Variants in MGMT observed in about 807,000 individuals in gnomAD.
MGMT encodes the protein methylated-DNA--protein-cysteine methyltransferase.
A neutral mutation model predicts 15.9 loss-of-function variants in MGMT; 14 were observed. That is an observed-to-expected ratio of 0.88 (90% CI 0.58 to 1.37). The LOEUF is 1.37. MGMT is among the 40% of genes most tolerant of loss of function. The pLI is 0.00. For synonymous variants in MGMT, 130 were observed against 118.2 expected (o/e 1.10, Z -0.65); for missense variants, 282 against 268.1 (o/e 1.05, Z -0.36).
rs370037150 is a variant in MGMT, at chr10:129,565,683, A to G, written c.125+29306A>G. Among the ~76,000 whole-genome samples, 282 of 152,248 alleles carry G rather than the reference A, an allele frequency of 1.9e-3. 1 individual carries two copies. The highest frequency in any genetic ancestry group is 6.4e-3 in the African/African-American group (266 of 41,550). On this transcript the variant is annotated intron_variant, in intron 2 of 4. Coordinates refer to ENST00000651593, the MANE Select transcript of MGMT (RefSeq NM_002412.5). ...ATTGGAACTCTGACTTGATCAGCCC[A>G]TGTTCTTCTGCCATAGCCACAGGAG... is the stretch of plus-strand genomic sequence containing the variant.
At chr10:129,490,939 T>C (rs942252835) in intron 1 of MGMT, among the ~76,000 whole-genome samples, 2 of 152,252 alleles carry the variant, frequency 1.3e-5, no homozygotes, top group African/African-American at 4.8e-5. Context: ...ACTTCCTGAA[T>C]AGTAAAATAC....
At chr10:129,737,673 A>C (rs1427703632) in intron 3 of MGMT, among the ~76,000 whole-genome samples, 1 of 151,962 alleles carries the variant, frequency 6.6e-6, no homozygotes, top group East Asian at 1.9e-4. Flanking sequence ...TTTTTTCCCC[A>C]TCTTTGTGGT....
intron 3 of MGMT, among the ~76,000 whole-genome samples, chr10:129,714,959 A>G (rs1848276886): frequency 6.6e-6 from 1 of 152,066 alleles, no homozygotes; most frequent in African/African-American, 2.4e-5. Context: ...GTTAGGTGAG[A>G]GTTTTATCCT....
chr10:129,514,396 C>T (rs1432425690), intron 1 of MGMT, among the ~76,000 whole-genome samples: 1 of 152,080 alleles, frequency 6.6e-6, no homozygotes, highest in East Asian at 1.9e-4. Flanking sequence ...AACATAGATT[C>T]CATGTATAAA....
At chr10:129,468,352 A>C (rs1276954161) in intron 1 of MGMT, among the ~76,000 whole-genome samples, 3 of 152,138 alleles carry the variant, frequency 2.0e-5, no homozygotes, top group Admixed American at 6.5e-5. Flanking sequence ...AGCCTGGCTG[A>C]TTGTTAATAT....
intron 2 of MGMT, among the ~76,000 whole-genome samples, chr10:129,597,513 G>A (rs1846765168): frequency 6.6e-6 from 1 of 152,138 alleles, no homozygotes; most frequent in Non-Finnish European, 1.5e-5. Flanking sequence ...TCATTACCAT[G>A]TTTAGGAAAT....
chr10:129,635,254 C>A (rs758323991), intron 2 of MGMT, among the ~76,000 whole-genome samples: 7 of 152,166 alleles, frequency 4.6e-5, no homozygotes, highest in Non-Finnish European at 8.8e-5. Flanking sequence ...GTGAGGGTGA[C>A]CTGTTGCAGA....
rs1484653356 is a variant in MGMT, at chr10:129,707,881, T to C, written c.126-14T>C. 3 of 1,610,326 alleles carry C rather than the reference T, an allele frequency of 1.9e-6. No individual in the cohort carries two copies. The highest frequency in any genetic ancestry group is 2.5e-6 in the Non-Finnish European group (3 of 1,179,960). ...GCCCAGAGGTTTACTAAGCCCCTGT[T>C]CTCACTTTTGCAGTGCCGTGGAGGT... On this transcript the variant is annotated splice_polypyrimidine_tract_variant and intron_variant, in intron 2 of 4. Transcript: ENST00000651593.
chr10:129,719,441 G>A (rs1169213645), intron 3 of MGMT, among the ~76,000 whole-genome samples: 1 of 152,224 alleles, frequency 6.6e-6, no homozygotes, highest in Admixed American at 6.5e-5. Flanking sequence ...GCCAACTGGG[G>A]TCTTATACAA....
At chr10:129,558,442 T>G (rs1338571850) in intron 2 of MGMT, among the ~76,000 whole-genome samples, 1 of 152,220 alleles carries the variant, frequency 6.6e-6, no homozygotes, top group Non-Finnish European at 1.5e-5. Flanking sequence ...ATGGCCTTTC[T>G]TTGGGATTCG....
At chr10:129,550,330 A>G (rs988676797) in intron 2 of MGMT, among the ~76,000 whole-genome samples, 3 of 142,308 alleles carry the variant, frequency 2.1e-5, no homozygotes, top group Non-Finnish European at 4.8e-5. Flanking sequence ...ACCGCCGCCC[A>G]GCACCGGCAT....
At chr10:129,637,724 C>T (rs1156996057) in intron 2 of MGMT, among the ~76,000 whole-genome samples, 1 of 152,052 alleles carries the variant, frequency 6.6e-6, no homozygotes, top group Non-Finnish European at 1.5e-5. Context: ...GACTAGTGTC[C>T]TTATAAGAAG....
intron 1 of MGMT, among the ~76,000 whole-genome samples, chr10:129,487,906 T>TA (rs1242186725): frequency 7.2e-6 from 1 of 137,994 alleles, no homozygotes; most frequent in Non-Finnish European, 1.6e-5. Flanking sequence ...ATATATACCA[T>TA]ATAGGGGTGT....
Position 129,571,286 on chromosome 10 carries a change from C to T in MGMT, c.125+34909C>T, listed in dbSNP as rs565350612. ...CTTCTTACTTCTTAAATGATACAGG[C>T]GATATTTCCTGTAATAAACACCCCT... On this transcript the variant is annotated intron_variant, in intron 2 of 4. Coordinates refer to ENST00000651593, the MANE Select transcript of MGMT (RefSeq NM_002412.5). Among the ~76,000 whole-genome samples the T allele has an allele frequency of 2.5e-3, 385 of 152,172 alleles. 1 individual carries two copies. Among genetic ancestry groups the T allele is most frequent in the African/African-American group, 8.9e-3 (369 of 41,500 alleles).
At chr10:129,558,400 A>G (rs1305534893) in intron 2 of MGMT, among the ~76,000 whole-genome samples, 2 of 152,142 alleles carry the variant, frequency 1.3e-5, no homozygotes, top group Non-Finnish European at 1.5e-5. Context: ...ATTTGTTGTT[A>G]TCTTTGCAGA....
chr10:129,642,108 C>T (rs1334411676), intron 2 of MGMT, among the ~76,000 whole-genome samples: 3 of 152,120 alleles, frequency 2.0e-5, no homozygotes, highest in South Asian at 2.1e-4. Flanking sequence ...CAGTGAGACC[C>T]GACATCCCCT....
intron 4 of MGMT, among the ~76,000 whole-genome samples, chr10:129,763,988 C>T (rs1193553864): frequency 6.6e-6 from 1 of 152,242 alleles, no homozygotes; most frequent in Non-Finnish European, 1.5e-5. Context: ...CCAAACTCAT[C>T]GTCAAATTAG....
chr10:129,518,288 T>C (rs1845761351), intron 1 of MGMT, among the ~76,000 whole-genome samples: 1 of 150,642 alleles, frequency 6.6e-6, no homozygotes, highest in South Asian at 2.1e-4. Context: ...ACTTTATAAA[T>C]CTTAAAGATG....
chr10:129,766,157 T>C (rs1848931620), intron 4 of MGMT, among the ~76,000 whole-genome samples: 1 of 152,068 alleles, frequency 6.6e-6, no homozygotes, highest in Non-Finnish European at 1.5e-5. Context: ...CAGGGCATCC[T>C]GAGGCAGGGG....
Sources: allele counts gnomAD v4.1 joint callset (sites outside exome capture counted in the v4.1 genomes callset), GRCh38; gene constraint gnomAD v4.1.1; transcripts MANE v1.5; gene names NCBI Gene and HGNC (gene_info 2026-07-23, HGNC 2026-07-21).